Variants in ARHGAP29 observed in about 807,000 individuals in gnomAD.
ARHGAP29 encodes Rho GTPase activating protein 29.
In ARHGAP29, 43 loss-of-function variants were observed where a neutral mutation model predicts 122.6. The ratio of observed to expected loss-of-function variants is 0.35; its 90% CI spans 0.27 to 0.45. The LOEUF is 0.45. Among genes scored for constraint, ARHGAP29 ranks in the 20% least tolerant of loss-of-function variants. The pLI, the probability that ARHGAP29 is intolerant of heterozygous loss-of-function variation, is 1.00. For missense variants in ARHGAP29, 1,303 were observed against 1,477.2 expected (o/e 0.88, Z 1.93); for synonymous variants, 506 against 497.1 (o/e 1.02, Z -0.24).
the ARHGAP29 span, among the ~76,000 whole-genome samples, chr1:94,309,184 A>G: frequency 6.6e-6 from 1 of 152,262 alleles, no homozygotes; most frequent in Non-Finnish European, 1.5e-5. Context: ...CATACTTTCA[A>G]GCATCCCTAT....
At chr1:94,176,127 T>TA (rs1649075694) in intron 22 of ARHGAP29, among the ~76,000 whole-genome samples, 2 of 152,164 alleles carry the variant, frequency 1.3e-5, no homozygotes, top group African/African-American at 4.8e-5. Flanking sequence ...GGGAAAAACT[T>TA]AGAGCATAAT....
intron 1 of ARHGAP29, among the ~76,000 whole-genome samples, chr1:94,243,512 C>G (rs1056690050): frequency 2.6e-5 from 4 of 151,600 alleles, no homozygotes; most frequent in African/African-American, 9.7e-5. Flanking sequence ...AAATGAAAAC[C>G]CATTTCAAAA....
chr1:94,287,795 C>G, the ARHGAP29 span, among the ~76,000 whole-genome samples: 1 of 70,646 alleles, frequency 1.4e-5, no homozygotes, highest in Non-Finnish European at 3.7e-5. Context: ...AATGATGGTT[C>G]TCAGCTTCAT....
At chr1:94,187,698 C>T (rs973321844) in intron 15 of ARHGAP29, among the ~76,000 whole-genome samples, 2 of 152,106 alleles carry the variant, frequency 1.3e-5, no homozygotes, top group Non-Finnish European at 2.9e-5. Flanking sequence ...TTGCCTTTAC[C>T]ACATGAAGTC....
chr1:94,312,454 CAG>C, the ARHGAP29 span, among the ~76,000 whole-genome samples: 2 of 125,014 alleles, frequency 1.6e-5, no homozygotes, highest in Admixed American at 9.9e-5. Context: ...TTTTTGAAGA[CAG>C]AGTCTCACTC....
intron 3 of ARHGAP29, among the ~76,000 whole-genome samples, chr1:94,213,668 G>C (rs749550988): frequency 1.3e-5 from 2 of 152,234 alleles, no homozygotes; most frequent in African/African-American, 4.8e-5. Context: ...GCCTGGTAAA[G>C]TGGATGGGTT....
intron 1 of ARHGAP29, chr1:94,274,992 C>T (rs934895497): frequency 6.6e-5 from 10 of 152,336 alleles, no homozygotes; most frequent in African/African-American, 2.4e-4. Context: ...AGTGCTCAAA[C>T]TCAGTTGTCA....
intron 2 of ARHGAP29, among the ~76,000 whole-genome samples, chr1:94,225,296 C>G (rs1442697268): frequency 1.3e-5 from 2 of 152,092 alleles, no homozygotes; most frequent in African/African-American, 2.4e-5. Flanking sequence ...AACACACATA[C>G]AAAACTCTTA....
chr1:94,303,377 A>C, the ARHGAP29 span, among the ~76,000 whole-genome samples: 1 of 152,222 alleles, frequency 6.6e-6, no homozygotes, highest in Non-Finnish European at 1.5e-5. Flanking sequence ...TCATAGAGAC[A>C]GAAAGTGAAA....
the ARHGAP29 span, among the ~76,000 whole-genome samples, chr1:94,307,720 A>G: frequency 1.3e-5 from 2 of 152,194 alleles, no homozygotes; most frequent in African/African-American, 4.8e-5. Context: ...AAAGTTGGCT[A>G]TCCATTTGAA....
At position 94,223,426 on chromosome 1, in the gene ARHGAP29, TA is replaced by T. The variant is rs1011820232; in HGVS notation, c.206-3035del. On this transcript the variant is annotated intron_variant, in intron 2 of 22. Coordinates refer to ENST00000260526, the MANE Select transcript of ARHGAP29 (RefSeq NM_004815.4). ...CTCTGTGCCTCAGTTTCCTCATCTA[TA>T]AAAAAAAAGATAAGGTAGCTAGTTC... Among the ~76,000 whole-genome samples, 21 of 150,782 alleles carry T rather than the reference TA, an allele frequency of 1.4e-4. No homozygotes were observed. The South Asian group carries it at 2.3e-3, about 17-fold the overall frequency.
Position 94,185,428 on chromosome 1 carries a change from T to A in ARHGAP29, c.1834A>T (p.Thr612Ser). 1.9e-6 allele frequency: 3 copies of A among 1,613,020 alleles called. No individual in the cohort carries two copies. The highest frequency in any genetic ancestry group is 2.5e-6 in the Non-Finnish European group (3 of 1,179,454). ...GATCTCAATTTGCGAAACTTGTGTG[T>A]GAGAGCTGCCTTTGACATCAATGTT... ...KKTLMSKAAL[T>S]HKFRKLRSPT... The change falls in exon 17 of 23, where the codon ACA (threonine) becomes TCA (serine). Residue 612 changes from threonine to serine, a missense_variant. Transcript: ENST00000260526.
chr1:94,281,388 G>T, the ARHGAP29 span, among the ~76,000 whole-genome samples: 293 of 152,230 alleles, frequency 1.9e-3, no homozygotes, highest in African/African-American at 6.4e-3. Flanking sequence ...ATCATATCTC[G>T]CTGGGCAAGC....
chr1:94,232,658 T>C (rs757129983), intron 1 of ARHGAP29, among the ~76,000 whole-genome samples: 6 of 152,284 alleles, frequency 3.9e-5, no homozygotes, highest in Middle Eastern at 3.4e-3. Flanking sequence ...ATTAGAAGAC[T>C]TCATATGTTA....
chr1:94,200,510 C>G (rs1444058899), intron 12 of ARHGAP29, among the ~76,000 whole-genome samples: 1 of 152,160 alleles, frequency 6.6e-6, no homozygotes, highest in Admixed American at 6.5e-5. Context: ...GGTAACTACA[C>G]ATTTAGCACA....
At chr1:94,213,570 C>A (rs1651786399) in intron 3 of ARHGAP29, among the ~76,000 whole-genome samples, 1 of 152,184 alleles carries the variant, frequency 6.6e-6, no homozygotes, top group Non-Finnish European at 1.5e-5. Context: ...ATAGATGATA[C>A]ATAAATGGAT....
At chr1:94,184,372 C>A in intron 18 of ARHGAP29, 84 bp from the exon 19 acceptor site, 1 of 978,412 alleles carries the variant, frequency 1.0e-6, no homozygotes, top group South Asian at 1.9e-5. Flanking sequence ...ACTTGATTTT[C>A]AATCTTTTCA....
chr1:94,309,346 G>A, the ARHGAP29 span, among the ~76,000 whole-genome samples: 3 of 152,178 alleles, frequency 2.0e-5, no homozygotes, highest in African/African-American at 7.2e-5. Flanking sequence ...CTCTGAGAGG[G>A]GAGGTCAGGG....
chr1:94,211,913 C>T lies in ARHGAP29; in HGVS notation c.341-2563G>A, dbSNP rs1478375078. ...ATGCTATCCCTCCCTCCTCCCCCAA[C>T]CCCACAACAGTCCCTGGTGTGTGAT... On this transcript the variant is annotated intron_variant, in intron 3 of 22. Coordinates refer to ENST00000260526, the MANE Select transcript of ARHGAP29 (RefSeq NM_004815.4). Among the ~76,000 whole-genome samples the T allele has an allele frequency of 2.6e-5, 4 of 151,742 alleles. No individual in the cohort carries two copies. In the East Asian group the frequency reaches 7.7e-4, roughly 29 times the overall value.
Sources: gnomAD v4.1 joint callset for allele counts (sites outside exome capture counted in the v4.1 genomes callset) on GRCh38, gnomAD v4.1.1 for gene constraint, MANE v1.5 for transcripts, NCBI Gene and HGNC (gene_info 2026-07-23, HGNC 2026-07-21) for gene names.